Variants in MYLK observed in about 807,000 individuals in gnomAD.
MYLK encodes myosin light chain kinase, smooth muscle.
In MYLK, 106 loss-of-function variants were observed where a neutral mutation model predicts 203.4. That is an observed-to-expected ratio of 0.52 (90% CI 0.45 to 0.61). The LOEUF (loss-of-function observed/expected upper bound fraction) is 0.61, where lower values mean the gene tolerates loss of function less well. Ranked by LOEUF, MYLK falls within the 20% of genes least tolerant of loss-of-function variation. The pLI is 0.00. For missense variants in MYLK, 2,072 were observed against 2,442.3 expected, an observed-to-expected ratio of 0.85 and a Z score of 3.20; for synonymous variants, 867 against 959.5, an observed-to-expected ratio of 0.90 and a Z score of 1.78.
intron 3 of MYLK, chr3:123,814,269 A>C (rs1033748554): frequency 5.5e-6 from 1 of 183,132 alleles, no homozygotes; most frequent in Non-Finnish European, 1.2e-5. Flanking sequence ...TATTCCGGCC[A>C]AGCTCAGGCT....
intron 2 of MYLK, among the ~76,000 whole-genome samples, chr3:123,875,874 GA>G (rs1213685336): frequency 7.2e-5 from 11 of 152,030 alleles, no homozygotes; most frequent in Non-Finnish European, 1.5e-4. Flanking sequence ...TGATCAGGTA[GA>G]TACTGAATAT....
At chr3:123,682,075 G>C (rs190528458) in intron 20 of MYLK, 149 bp downstream of exon 20, 1 of 708,710 alleles carries the variant, frequency 1.4e-6, no homozygotes, top group Admixed American at 2.0e-5. Flanking sequence ...GAGTTCACTG[G>C]GCACTTCAGG....
rs760878420 is a variant in MYLK, at chr3:123,752,512, C to T, written c.192G>A (p.Val64=). The part of the protein sequence containing the change: ...GRVRGYPEPQ[V]TWHRNGQPIT... ...TGGGTTGCCCGTTTCTGTGCCATGT[C>T]ACCTGGGGCTCTGGGTAACCCCGGA... The change falls in exon 5 of 34, where the codon GTG becomes GTA. Residue 64 remains valine (V), a synonymous_variant. Coordinates refer to ENST00000360304, the MANE Select transcript of MYLK (RefSeq NM_053025.4). The T allele has an allele frequency of 3.7e-6, 6 of 1,613,862 alleles. No individual in the cohort carries two copies. The highest frequency in any genetic ancestry group is 5.1e-6 in the Non-Finnish European group (6 of 1,179,998).
At chr3:123,663,481 G>A (rs1217812670) in intron 23 of MYLK, among the ~76,000 whole-genome samples, 1 of 152,142 alleles carries the variant, frequency 6.6e-6, no homozygotes, top group African/African-American at 2.4e-5. Context: ...CCCTGTCAGA[G>A]AGAGAAGGTA....
Position 123,664,248 on chromosome 3 carries a change from C to T in MYLK, c.3842G>A (p.Ser1281Asn). The T allele has an allele frequency of 6.2e-7, 1 of 1,614,218 alleles. No homozygotes were observed. Among genetic ancestry groups the T allele is most frequent in the African/African-American group, 1.3e-5 (1 of 75,070 alleles). The change falls in exon 23 of 34, where the codon AGC (serine) becomes AAC (asparagine). Residue 1281 changes from serine to asparagine, a missense_variant. Coordinates refer to ENST00000360304, the MANE Select transcript of MYLK (RefSeq NM_053025.4). ...WMKFRKQIQESEHMKVENSEN... is the reference protein window; with the variant it reads ...WMKFRKQIQENEHMKVENSEN... ...GCTGTTCTCCACCTTCATGTGCTCG[C>T]TTTCCTGGATCTAGGGGCGGAGGAT...
chr3:123,852,886 T>C (rs1333304156), intron 2 of MYLK, among the ~76,000 whole-genome samples: 1 of 152,160 alleles, frequency 6.6e-6, no homozygotes, highest in Non-Finnish European at 1.5e-5. Context: ...TTTGCGGTGT[T>C]GGAAAATAAA....
At chr3:123,685,612 GAAAA>G (rs59215456) in intron 19 of MYLK, among the ~76,000 whole-genome samples, 34 of 112,406 alleles carry the variant, frequency 3.0e-4, no homozygotes, top group African/African-American at 7.4e-4. Context: ...TCCAAAAAAT[GAAAA>G]AAAAAAAAAA....
At chr3:123,793,239 TACCAA>T (rs1462265467) in intron 4 of MYLK, among the ~76,000 whole-genome samples, 4 of 152,194 alleles carry the variant, frequency 2.6e-5, no homozygotes, top group African/African-American at 9.7e-5. Flanking sequence ...GCTCCGGGTA[TACCAA>T]ATGGATGTAC....
intron 4 of MYLK, among the ~76,000 whole-genome samples, chr3:123,790,858 A>G (rs965117979): frequency 2.0e-5 from 3 of 152,132 alleles, no homozygotes; most frequent in Non-Finnish European, 4.4e-5. Context: ...CACTGCCTCC[A>G]CCGTGGGCGC....
Position 123,629,638 on chromosome 3 carries a change from A to C in MYLK, c.4962-12T>G. 1 of 1,613,422 alleles carries C rather than the reference A, an allele frequency of 6.2e-7. No homozygotes were observed. The highest frequency in any genetic ancestry group is 1.8e-4 in the Middle Eastern group (1 of 5,466). ...AAAGGCCACTGACTCTGGAGAGACA[A>C]GAGCAGGACAGCAGGTGTGGCTAGG... On this transcript the variant is annotated splice_polypyrimidine_tract_variant and intron_variant, in intron 29 of 33. Coordinates refer to ENST00000360304, the MANE Select transcript of MYLK (RefSeq NM_053025.4). This position sits in a 1 kb window ranked among gnomAD's most constrained non-coding sequence, Gnocchi z 4.4.
chr3:123,662,768 G>A (rs958734112), intron 23 of MYLK, among the ~76,000 whole-genome samples: 1 of 152,128 alleles, frequency 6.6e-6, no homozygotes, highest in East Asian at 1.9e-4. Flanking sequence ...GTTAAGGTTG[G>A]GATCAGCACA....
intron 2 of MYLK, among the ~76,000 whole-genome samples, chr3:123,841,823 C>T (rs1006217080): frequency 6.6e-6 from 1 of 152,040 alleles, no homozygotes; most frequent in African/African-American, 2.4e-5. Context: ...ACATTTGTAC[C>T]CAAGGAGCTA....
chr3:123,748,117 G>A (rs560074966), intron 5 of MYLK, among the ~76,000 whole-genome samples: 72 of 152,184 alleles, frequency 4.7e-4, no homozygotes, highest in Non-Finnish European at 3.2e-4. Flanking sequence ...TGAGGGCCTC[G>A]GGAAGCTTAC....
At chr3:123,694,092 T>C (rs1386473826) in intron 18 of MYLK, among the ~76,000 whole-genome samples, 1 of 152,192 alleles carries the variant, frequency 6.6e-6, no homozygotes, top group Non-Finnish European at 1.5e-5. Flanking sequence ...AGGATATCAG[T>C]TCTGCCCAGA....
chr3:123,861,172 T>C (rs975980097), intron 2 of MYLK, among the ~76,000 whole-genome samples: 1 of 149,780 alleles, frequency 6.7e-6, no homozygotes, highest in Middle Eastern at 3.5e-3. Context: ...GATTGGACAC[T>C]GTGTGATTGC....
At chr3:123,831,376 C>T in intron 3 of MYLK, 172 bp downstream of exon 3, 1 of 1,289,394 alleles carries the variant, frequency 7.8e-7, no homozygotes, top group Non-Finnish European at 1.0e-6. Flanking sequence ...AATGCTACAG[C>T]ATACTGCCTT....
intron 2 of MYLK, among the ~76,000 whole-genome samples, chr3:123,851,870 T>C (rs1319131082): frequency 6.6e-6 from 1 of 152,200 alleles, no homozygotes; most frequent in Admixed American, 6.5e-5. Context: ...AGTATGATAT[T>C]GGCTGTGGGT....
intron 2 of MYLK, among the ~76,000 whole-genome samples, chr3:123,851,266 T>C (rs2030766486): frequency 6.6e-6 from 1 of 152,190 alleles, no homozygotes; most frequent in African/African-American, 2.4e-5. Context: ...AAGTAGTTTT[T>C]TCCAATTCTG....
intron 2 of MYLK, among the ~76,000 whole-genome samples, chr3:123,874,444 C>T (rs72974231): frequency 0.1 from 15,299 of 152,092 alleles, 1,204 homozygotes; most frequent in East Asian, 0.36. Flanking sequence ...ATATGCACAA[C>T]AGAATCTCTA....
Sources: gnomAD v4.1 joint callset for allele counts (sites outside exome capture counted in the v4.1 genomes callset) on GRCh38, gnomAD v4.1.1 for gene constraint, Gnocchi (gnomAD v3.1) non-coding constraint, MANE v1.5 for transcripts, NCBI Gene and HGNC (gene_info 2026-07-23, HGNC 2026-07-21) for gene names.